The following TMTC1 variants were observed in gnomAD, a reference collection of about 807,000 sequenced individuals.
TMTC1 encodes the protein protein O-mannosyl-transferase TMTC1.
TMTC1 carries 73 observed loss-of-function variants against 104.8 expected under a neutral mutation model. That is an observed-to-expected ratio of 0.70 (90% CI 0.58 to 0.85). TMTC1 has a LOEUF of 0.85. Ranked by LOEUF, TMTC1 falls within the 40% of genes least tolerant of loss-of-function variation. The probability of loss-of-function intolerance (pLI) is 0.00; values close to 1 mark genes in which losing one functional copy is unlikely to be tolerated. For missense variants in TMTC1, 1,035 were observed against 1,096.1 expected (o/e 0.94, Z 0.79); for synonymous variants, 434 against 428.7 (o/e 1.01, Z -0.15).
At chr12:29,544,224 A>G (rs1370367001) in intron 10 of TMTC1, among the ~76,000 whole-genome samples, 1 of 149,122 alleles carries the variant, frequency 6.7e-6, no homozygotes, top group East Asian at 1.9e-4. Flanking sequence ...CCTGGGCAAC[A>G]GAAGCAAAAC....
intron 5 of TMTC1, among the ~76,000 whole-genome samples, chr12:29,688,764 C>T (rs1941174807): frequency 6.6e-6 from 1 of 152,166 alleles, no homozygotes; most frequent in Non-Finnish European, 1.5e-5. Flanking sequence ...CAATAACTTG[C>T]TTGAGCTACT....
At chr12:29,648,913 A>G (rs78289470) in intron 5 of TMTC1, among the ~76,000 whole-genome samples, 2,293 of 152,146 alleles carry the variant, frequency 0.015, 56 homozygotes, top group African/African-American at 0.053. Flanking sequence ...CTTCCAGCAC[A>G]TGGCCATTGG....
At chr12:29,751,215 T>C (rs911338002) in intron 5 of TMTC1, among the ~76,000 whole-genome samples, 13 of 152,240 alleles carry the variant, frequency 8.5e-5, no homozygotes, top group African/African-American at 2.9e-4. Context: ...AAGACAGTCA[T>C]GTGCTGTAAA....
At chr12:29,623,553 G>T (rs940647330) in intron 6 of TMTC1, among the ~76,000 whole-genome samples, 2 of 152,212 alleles carry the variant, frequency 1.3e-5, no homozygotes, top group Non-Finnish European at 2.9e-5. Flanking sequence ...TGTGGCTCAT[G>T]CCTGTAATCC....
At chr12:29,585,283 G>T (rs1946100815) in intron 7 of TMTC1, among the ~76,000 whole-genome samples, 1 of 152,106 alleles carries the variant, frequency 6.6e-6, no homozygotes, top group African/African-American at 2.4e-5. Context: ...TTTTTGATGG[G>T]GTTGTTTGTT....
intron 5 of TMTC1, among the ~76,000 whole-genome samples, chr12:29,675,825 A>T (rs10743669): frequency 0.55 from 83,542 of 151,818 alleles, 23,211 homozygotes; most frequent in African/African-American, 0.63. Flanking sequence ...GGTATTCTTA[A>T]TAGCATTGTT....
chr12:29,577,902 G>C (rs992756585), intron 8 of TMTC1, among the ~76,000 whole-genome samples: 5 of 151,992 alleles, frequency 3.3e-5, no homozygotes, highest in Non-Finnish European at 7.4e-5. Flanking sequence ...CCAGGTAAGC[G>C]TATTAGTAAT....
chr12:29,669,642 C>T (rs550245284), intron 5 of TMTC1, among the ~76,000 whole-genome samples: 9 of 152,226 alleles, frequency 5.9e-5, no homozygotes, highest in African/African-American at 7.2e-5. Flanking sequence ...GCATGTGTTA[C>T]GTTTACTTAG....
At chr12:29,643,229 ATG>A (rs1398397451) in intron 5 of TMTC1, among the ~76,000 whole-genome samples, 5 of 151,748 alleles carry the variant, frequency 3.3e-5, no homozygotes, top group Non-Finnish European at 7.4e-5. Context: ...ATGGAAAACA[ATG>A]TGGAGATTCC....
intron 11 of TMTC1, among the ~76,000 whole-genome samples, chr12:29,531,943 C>T (rs1386879737): frequency 6.6e-6 from 1 of 152,094 alleles, no homozygotes; most frequent in Non-Finnish European, 1.5e-5. Flanking sequence ...GCAAGAGTGG[C>T]AGGTGAGGAG....
At chr12:29,781,088 T>A (rs1397760594) in intron 1 of TMTC1, among the ~76,000 whole-genome samples, 1 of 132,128 alleles carries the variant, frequency 7.6e-6, no homozygotes, top group Non-Finnish European at 1.7e-5. Flanking sequence ...AGTTGTATGG[T>A]TCTAAAATCA....
At chr12:29,656,390 C>T (rs970220379) in intron 5 of TMTC1, among the ~76,000 whole-genome samples, 4 of 145,874 alleles carry the variant, frequency 2.7e-5, no homozygotes, top group South Asian at 2.2e-4. Flanking sequence ...GACAGAGTCT[C>T]GCTCTGTCAC....
chr12:29,685,410 AACTGAT>A (rs911039620), intron 5 of TMTC1, among the ~76,000 whole-genome samples: 3 of 152,090 alleles, frequency 2.0e-5, no homozygotes, highest in African/African-American at 7.2e-5. Flanking sequence ...ATAGCCAACA[AACTGAT>A]ACTAAGTACA....
chr12:29,765,439 C>G (rs867948846), intron 2 of TMTC1, among the ~76,000 whole-genome samples: 1 of 152,056 alleles, frequency 6.6e-6, no homozygotes, highest in Non-Finnish European at 1.5e-5. Context: ...TGAACTCATA[C>G]TTTCATTGTA....
chr12:29,755,773 T>A lies in TMTC1; in HGVS notation c.667A>T (p.Ile223Phe), dbSNP rs1188428777. The A allele has an allele frequency of 1.2e-6, 2 of 1,614,212 alleles. No homozygotes were observed. The highest frequency in any genetic ancestry group is 2.2e-5 in the East Asian group (1 of 44,874). ...ACCAAGCACACTCCAAACACCGTGA[T>A]GCCTGTCTCTTTCACCAGCATCGCA... ...TCAMLVKETG[I>F]TVFGVCLVYD... is the part of the protein sequence containing the mutation. Residue 223 changes from isoleucine to phenylalanine, a missense_variant, in exon 4 of 18, where the codon ATC becomes TTC. Transcript: ENST00000539277.
At chr12:29,618,084 T>A (rs1947035145) in intron 6 of TMTC1, among the ~76,000 whole-genome samples, 1 of 152,094 alleles carries the variant, frequency 6.6e-6, no homozygotes. Flanking sequence ...GCAGTGAAGG[T>A]GGTGAGAAGC....
At chr12:29,571,693 C>T (rs1429447011) in intron 9 of TMTC1, among the ~76,000 whole-genome samples, 5 of 151,318 alleles carry the variant, frequency 3.3e-5, no homozygotes, top group East Asian at 3.9e-4. Flanking sequence ...AATTTCTATA[C>T]TCAAATGTCT....
chr12:29,593,697 T>G (rs1946339722), intron 7 of TMTC1, among the ~76,000 whole-genome samples: 1 of 152,218 alleles, frequency 6.6e-6, no homozygotes, highest in Admixed American at 6.5e-5. Flanking sequence ...TACTCTTCAA[T>G]GTACACTTTT....
Position 29,767,900 on chromosome 12 carries a change from C to T in TMTC1, c.478G>A (p.Ala160Thr). ...LFAVHPIHTEAVAGIVGRADV... is the reference protein window; with the variant it reads ...LFAVHPIHTETVAGIVGRADV... ...CACTGAGATCCAATTACACTTACCG[C>T]CTCAGTATGAATAGGATGTACAGCA... The change falls in exon 2 of 18, where the codon GCG becomes ACG. Residue 160 changes from alanine to threonine, a missense_variant and splice_region_variant. Coordinates refer to ENST00000539277, the MANE Select transcript of TMTC1 (RefSeq NM_001193451.2). 1 of 1,613,438 alleles carries T rather than the reference C, an allele frequency of 6.2e-7. No homozygotes were observed. Among genetic ancestry groups the T allele is most frequent in the Non-Finnish European group, 8.5e-7 (1 of 1,179,728 alleles).
Sources: allele counts gnomAD v4.1 joint callset (sites outside exome capture counted in the v4.1 genomes callset), GRCh38; gene constraint gnomAD v4.1.1; transcripts MANE v1.5; gene names NCBI Gene and HGNC (gene_info 2026-07-23, HGNC 2026-07-21).